Variants in AMPH observed in about 807,000 individuals in gnomAD.
The protein encoded by AMPH is amphiphysin (Stiff-Mann syndrome with breast cancer 128kD autoantigen).
AMPH carries 49 observed loss-of-function variants against 99.1 expected under a neutral mutation model. The observed-to-expected ratio is 0.49, with a 90% CI of 0.39 to 0.63. The LOEUF is 0.63. AMPH is among the 20% of genes least tolerant of loss of function. The pLI is 0.00. For synonymous variants in AMPH, 314 were observed against 317.3 expected (o/e 0.99, Z 0.11); for missense variants, 759 against 863.4 (o/e 0.88, Z 1.52).
intron 5 of AMPH, among the ~76,000 whole-genome samples, chr7:38,478,573 A>G (rs1788172125): frequency 6.6e-6 from 1 of 152,160 alleles, no homozygotes; most frequent in Non-Finnish European, 1.5e-5. Flanking sequence ...CAAAATACAC[A>G]AAAACAAAAA....
chr7:38,400,970 G>A (rs1295051504), intron 17 of AMPH, among the ~76,000 whole-genome samples: 1 of 151,854 alleles, frequency 6.6e-6, no homozygotes, highest in Non-Finnish European at 1.5e-5. Flanking sequence ...AATAATTTAT[G>A]GTAACATTTT....
intron 16 of AMPH, among the ~76,000 whole-genome samples, chr7:38,418,192 CA>C (rs1785455235): frequency 6.6e-6 from 1 of 152,154 alleles, no homozygotes. Context: ...CCCTTGAAGT[CA>C]GGCAAGACTT....
intron 20 of AMPH, among the ~76,000 whole-genome samples, chr7:38,386,088 G>A (rs535177894): frequency 1.3e-5 from 2 of 150,264 alleles, no homozygotes; most frequent in African/African-American, 4.9e-5. Context: ...ATATAGACAA[G>A]AAATATAAGT....
rs149097222 is a variant in AMPH, at chr7:38,523,946, A to G, written c.150+10985T>C. ...ATATTTATTAATTTTGAGAGAAAAT[A>G]TTTATGTATTAACTCTATACTAGAG... On this transcript the variant is annotated intron_variant, in intron 2 of 20. Transcript: ENST00000356264. Among the ~76,000 whole-genome samples, 286 of 152,278 alleles carry G rather than the reference A, an allele frequency of 1.9e-3. 1 individual carries two copies. Among genetic ancestry groups the G allele is most frequent in the African/African-American group, 6.5e-3 (272 of 41,546 alleles).
chr7:38,548,853 A>G (rs1791083376), intron 1 of AMPH, among the ~76,000 whole-genome samples: 2 of 152,104 alleles, frequency 1.3e-5, no homozygotes, highest in Admixed American at 1.3e-4. Context: ...TGGCTGCCTC[A>G]CCCTAATCTT....
chr7:38,567,466 A>G (rs1362262354), intron 1 of AMPH, among the ~76,000 whole-genome samples: 3 of 152,154 alleles, frequency 2.0e-5, no homozygotes, highest in Non-Finnish European at 2.9e-5. Flanking sequence ...CAGCAAACCA[A>G]CGTGGCACAT....
intron 11 of AMPH, among the ~76,000 whole-genome samples, chr7:38,443,059 A>G (rs1363244113): frequency 2.0e-5 from 3 of 152,114 alleles, no homozygotes; most frequent in Admixed American, 2.0e-4. Context: ...GATATTAGAG[A>G]TATCAAAAAA....
chr7:38,488,635 A>G (rs1441717438), intron 5 of AMPH, among the ~76,000 whole-genome samples: 2 of 152,146 alleles, frequency 1.3e-5, no homozygotes, highest in Non-Finnish European at 2.9e-5. Context: ...AAACCTGCAC[A>G]TTCTGCACAT....
At chr7:38,500,766 C>T (rs1033769242) in intron 3 of AMPH, among the ~76,000 whole-genome samples, 6 of 152,042 alleles carry the variant, frequency 3.9e-5, no homozygotes, top group Non-Finnish European at 7.4e-5. Flanking sequence ...TCTGACTGAA[C>T]TGTTACAAAT....
intron 20 of AMPH, among the ~76,000 whole-genome samples, chr7:38,386,996 G>C (rs1287406451): frequency 1.3e-5 from 2 of 152,134 alleles, no homozygotes; most frequent in African/African-American, 4.8e-5. Flanking sequence ...CTGGGGGATG[G>C]GTATCCTAAC....
intron 15 of AMPH, 29 bp downstream of exon 15, chr7:38,426,925 T>C (rs758356182): frequency 7.5e-6 from 12 of 1,607,880 alleles, no homozygotes; most frequent in Non-Finnish European, 1.0e-5. Context: ...TCTCAGCAGA[T>C]GGATCTTGTA....
At chr7:38,463,586 T>C (rs1787539130) in intron 9 of AMPH, among the ~76,000 whole-genome samples, 1 of 152,212 alleles carries the variant, frequency 6.6e-6, no homozygotes, top group South Asian at 2.1e-4. Flanking sequence ...ACTATGAAAA[T>C]TGTAACTTTT....
chr7:38,536,702 T>C (rs1418129264), intron 1 of AMPH, among the ~76,000 whole-genome samples: 19 of 152,114 alleles, frequency 1.2e-4, no homozygotes, highest in Admixed American at 1.2e-3. Flanking sequence ...TATTTTTCAT[T>C]GTAAATGTAT....
intron 1 of AMPH, among the ~76,000 whole-genome samples, chr7:38,555,729 G>T (rs1791338966): frequency 6.6e-6 from 1 of 152,198 alleles, no homozygotes; most frequent in Non-Finnish European, 1.5e-5. Context: ...AAGGCTATGA[G>T]CAAGTATGTT....
At chr7:38,573,924 T>G (rs971465001) in intron 1 of AMPH, among the ~76,000 whole-genome samples, 12 of 152,202 alleles carry the variant, frequency 7.9e-5, no homozygotes, top group Non-Finnish European at 4.4e-5. Flanking sequence ...CATCCCCATT[T>G]TACAGATGAG....
At chr7:38,415,978 A>G (rs754243430) in intron 17 of AMPH, among the ~76,000 whole-genome samples, 14 of 151,612 alleles carry the variant, frequency 9.2e-5, no homozygotes, top group Non-Finnish European at 1.8e-4. Flanking sequence ...AGAATGAAGC[A>G]TTCTTCCAAA....
chr7:38,413,015 A>AG (rs1785258074), intron 17 of AMPH, among the ~76,000 whole-genome samples: 1 of 152,180 alleles, frequency 6.6e-6, no homozygotes, highest in African/African-American at 2.4e-5. Context: ...ACACTGGAAG[A>AG]GGGGGCTGTT....
intron 1 of AMPH, among the ~76,000 whole-genome samples, chr7:38,538,795 T>C (rs966824308): frequency 6.6e-6 from 1 of 152,148 alleles, no homozygotes; most frequent in African/African-American, 2.4e-5. Context: ...ACCTCAGATT[T>C]CTTTGGGGGA....
intron 1 of AMPH, among the ~76,000 whole-genome samples, chr7:38,574,838 G>A (rs1334058005): frequency 2.6e-5 from 4 of 151,886 alleles, no homozygotes; most frequent in African/African-American, 9.7e-5. Flanking sequence ...GGCAGATCAC[G>A]AGGTGAAGAG....
Sources: gnomAD v4.1 joint callset for allele counts (sites outside exome capture counted in the v4.1 genomes callset) on GRCh38, gnomAD v4.1.1 for gene constraint, MANE v1.5 for transcripts, NCBI Gene and HGNC (gene_info 2026-07-23, HGNC 2026-07-21) for gene names.